Variants in SPTBN2 observed in about 807,000 individuals in gnomAD.
SPTBN2 encodes the protein spectrin beta, non-erythrocytic 2.
Under a neutral mutation model 284.2 loss-of-function variants are expected in SPTBN2, and 107 were observed. The observed-to-expected ratio is 0.38, with a 90% CI of 0.32 to 0.44. The LOEUF (loss-of-function observed/expected upper bound fraction) is 0.44, where lower values mean the gene tolerates loss of function less well. SPTBN2 is among the 20% of genes least tolerant of loss of function. The pLI is 1.00. For missense variants in SPTBN2, 2,569 were observed against 3,287.1 expected (o/e 0.78, Z 5.34); for synonymous variants, 1,289 against 1,354.8 (o/e 0.95, Z 1.07).
At position 66,712,212 on chromosome 11, in the gene SPTBN2, T is replaced by C. The variant is rs1041834806; in HGVS notation, c.773-1183A>G. Among the ~76,000 whole-genome samples, 8 of 152,168 alleles carry C rather than the reference T, an allele frequency of 5.3e-5. 1 individual carries two copies. Among genetic ancestry groups the C allele is most frequent in the Non-Finnish European group, 1.5e-5 (1 of 68,042 alleles). ...CAGTACTGATTTCAAAGGGGTGTTG[T>C]GAAGATTAAAACACATCAAGTGCAG... On this transcript the variant is annotated intron_variant, in intron 8 of 37. Coordinates refer to ENST00000533211, the MANE Select transcript of SPTBN2 (RefSeq NM_006946.4).
intron 22 of SPTBN2, 52 bp downstream of exon 22, chr11:66,694,087 G>A: frequency 1.3e-6 from 2 of 1,590,744 alleles, no homozygotes; most frequent in South Asian, 2.2e-5. Flanking sequence ...GAGGGAGGCT[G>A]GAGAACCACA....
At chr11:66,740,867 G>A (rs1369245119) in intron 1 of SPTBN2, among the ~76,000 whole-genome samples, 2 of 152,138 alleles carry the variant, frequency 1.3e-5, no homozygotes, top group Non-Finnish European at 2.9e-5. Flanking sequence ...AAAGCTCTAG[G>A]GGAGCCTAAG....
chr11:66,692,140 C>T (rs1274333281), intron 26 of SPTBN2, among the ~76,000 whole-genome samples: 4 of 152,116 alleles, frequency 2.6e-5, no homozygotes, highest in Non-Finnish European at 5.9e-5. Context: ...TGCACTAGCG[C>T]AATCACTGCA....
At position 66,701,671 on chromosome 11, in the gene SPTBN2, G is replaced by T; in HGVS notation, c.2729C>A (p.Ala910Glu). Residue 910 changes from alanine to glutamate, a missense_variant, in exon 16 of 38, where the codon GCG (alanine) becomes GAG (glutamate). This residue lies in a region of SPTBN2 where 1,012 missense variants were observed against 1,248.9 expected (regional missense o/e 0.81). Coordinates refer to ENST00000533211, the MANE Select transcript of SPTBN2 (RefSeq NM_006946.4). ...TAACTGCTCGGCAATGTCATTCACC[G>T]CGGTGATTTGTGCTGCAAGGGTGTT... The part of the protein sequence containing the change: ...EMNTLAAQIT[A>E]VNDIAEQLLK... 6.2e-7 allele frequency: 1 copy of T among 1,614,018 alleles called. No individual in the cohort carries two copies.
intron 8 of SPTBN2, chr11:66,712,753 A>C (rs1941936560): frequency 6.6e-6 from 1 of 152,218 alleles, no homozygotes; most frequent in Admixed American, 6.5e-5. Context: ...AAGCTGGAGT[A>C]CTGTGGCTAT....
rs774544567 is a variant in SPTBN2 at position 66,691,621 on chromosome 11, G to A, written c.5228C>T (p.Thr1743Ile). 3 of 1,613,854 alleles carry A rather than the reference G, an allele frequency of 1.9e-6. No individual in the cohort carries two copies. The highest frequency in any genetic ancestry group is 1.7e-5 in the Admixed American group (1 of 60,028). ...TACGCGCTCCTGACCGATGGTGCTT[G>A]TGTCCCGGGAGAACTCTCGGAATTT... ...RDKFREFSRDTSTIGQERVDS... is the reference protein window; with the variant it reads ...RDKFREFSRDISTIGQERVDS... Residue 1743 changes from threonine (T) to isoleucine (I), a missense_variant, in exon 27 of 38, where the codon ACA becomes ATA. By Grantham distance (89) the Thr-to-Ile change is moderately conservative. This residue lies in a region of SPTBN2 where 1,130 missense variants were observed against 1,317.3 expected (regional missense o/e 0.86). Coordinates refer to ENST00000533211, the MANE Select transcript of SPTBN2 (RefSeq NM_006946.4). The surrounding 1 kb of genome is among the most constrained non-coding windows in gnomAD (Gnocchi z 8.0).
intron 15 of SPTBN2, 54 bp downstream of exon 15, chr11:66,704,543 GC>G (rs989451000): frequency 2.8e-5 from 44 of 1,550,480 alleles, no homozygotes; most frequent in Middle Eastern, 1.9e-4. Context: ...CCACATCCTG[GC>G]CCCCCCACCC....
Position 66,737,181 on chromosome 11 carries a change from G to A in SPTBN2, c.-475+7361C>T, listed in dbSNP as rs186952410. On this transcript the variant is annotated intron_variant, in intron 1 of 37. Coordinates refer to the SPTBN2 transcript ENST00000611817. ...AACCTTGCCTTAGGTAAAGTATAAT[G>A]TATGAAAATCTAGATTTGCATAAAA... Among the ~76,000 whole-genome samples the A allele has an allele frequency of 6.4e-4, 97 of 152,274 alleles. 1 individual carries two copies. The highest frequency in any genetic ancestry group is 4.6e-3 in the East Asian group (24 of 5,192).
chr11:66,742,399 C>T (rs1053440258), intron 1 of SPTBN2, among the ~76,000 whole-genome samples: 1 of 152,096 alleles, frequency 6.6e-6, no homozygotes, highest in Non-Finnish European at 1.5e-5. Flanking sequence ...CAGCTGTGTC[C>T]CTGGCTACCT....
In SPTBN2 at chr11:66,684,642, A is replaced by T. The variant is rs1939995880; in HGVS notation, c.*1229T>A. ...AGAGTGAGACTCTGTCTCAAAAAAAAAAAAAAAAAAGAATATATATTATCC... is the reference window on the plus strand; with the variant it reads ...AGAGTGAGACTCTGTCTCAAAAAAATAAAAAAAAAAGAATATATATTATCC... On this transcript the variant is annotated 3_prime_UTR_variant, in exon 38 of 38. Transcript: ENST00000533211. 6.6e-6 allele frequency among the ~76,000 whole-genome samples: 1 copy of T among 151,956 alleles called. No homozygotes were observed. The highest frequency in any genetic ancestry group is 1.9e-4 in the East Asian group (1 of 5,196).
rs1939906760 is a variant in SPTBN2 at position 66,683,298 on chromosome 11, C to T, written c.*2573G>A. Among the ~76,000 whole-genome samples, 1 of 151,572 alleles carries T rather than the reference C, an allele frequency of 6.6e-6. No individual in the cohort carries two copies. Among genetic ancestry groups the T allele is most frequent in the Admixed American group, 6.6e-5 (1 of 15,218 alleles). On this transcript the variant is annotated 3_prime_UTR_variant, in exon 38 of 38. Transcript: ENST00000533211. ...AGCCGGGATGGTCTCGATCTCCTGA[C>T]CTCGTGATCCGCCCGCCTCGGCCTC...
At chr11:66,722,425 A>G (rs1034417484) in intron 1 of SPTBN2, among the ~76,000 whole-genome samples, 3 of 151,464 alleles carry the variant, frequency 2.0e-5, no homozygotes, top group Non-Finnish European at 4.4e-5. Flanking sequence ...AAATACAAAA[A>G]ATTAGCTGGG....
At chr11:66,706,341 T>G (rs1223087843) in intron 13 of SPTBN2, among the ~76,000 whole-genome samples, 2 of 152,216 alleles carry the variant, frequency 1.3e-5, no homozygotes, top group Non-Finnish European at 2.9e-5. Flanking sequence ...ATTTATTTAT[T>G]TATTTTGAGA....
chr11:66,716,238 C>T lies in SPTBN2; in HGVS notation c.158-257G>A, dbSNP rs186760928. Among the ~76,000 whole-genome samples, 436 of 152,346 alleles carry T rather than the reference C, an allele frequency of 2.9e-3. 4 individuals are homozygous for T. Among genetic ancestry groups the T allele is most frequent in the African/African-American group, 0.01 (429 of 41,586 alleles). ...GTGGCTCATGCCTGTAATCCCAGCA[C>T]TTTGGGAAGCCAAGGCGGGCGGATC... is the stretch of plus-strand genomic sequence containing the variant. On this transcript the variant is annotated intron_variant, in intron 3 of 37. Coordinates refer to ENST00000533211, the MANE Select transcript of SPTBN2 (RefSeq NM_006946.4).
upstream of SPTBN2, among the ~76,000 whole-genome samples, chr11:66,733,212 A>C (rs926126968): frequency 3.9e-5 from 6 of 152,190 alleles, no homozygotes; most frequent in Non-Finnish European, 5.9e-5. Context: ...TTTGTATTTT[A>C]AAAAGGTCAC....
intron 27 of SPTBN2, chr11:66,690,486 G>C (rs1940467689): frequency 1.5e-6 from 1 of 662,320 alleles, no homozygotes; most frequent in Admixed American, 3.0e-5. Flanking sequence ...AGACACCTGG[G>C]CTTAACTGGG....
intron 13 of SPTBN2, among the ~76,000 whole-genome samples, chr11:66,706,435 A>G (rs948280576): frequency 2.0e-5 from 3 of 152,146 alleles, no homozygotes; most frequent in African/African-American, 7.2e-5. Flanking sequence ...GGTCCAAGCA[A>G]TTCTCCTTCC....
chr11:66,691,647 G>A lies in SPTBN2; in HGVS notation c.5202C>T (p.Asp1734=). 6.2e-7 allele frequency: 1 copy of A among 1,613,734 alleles called. No homozygotes were observed. Among genetic ancestry groups the A allele is most frequent in the African/African-American group, 1.3e-5 (1 of 75,066 alleles). The part of the protein sequence containing the change: ...QDYEHVTMLR[D]KFREFSRDTS... ...TGTCCCGGGAGAACTCTCGGAATTT[G>A]TCTCGGAGCATCTGGTAGAGGAAGC... Residue 1734 remains aspartate, a synonymous_variant, in exon 27 of 38, where the codon GAC becomes GAT. Coordinates refer to ENST00000533211, the MANE Select transcript of SPTBN2 (RefSeq NM_006946.4). The surrounding 1 kb of genome is among the most constrained non-coding windows in gnomAD (Gnocchi z 8.0).
intron 1 of SPTBN2, among the ~76,000 whole-genome samples, chr11:66,722,411 TA>T (rs751362516): frequency 8.2e-4 from 123 of 150,276 alleles, no homozygotes; most frequent in Admixed American, 2.9e-3. Context: ...CCGTCTCTAC[TA>T]AAAAATACAA....
Sources: allele counts gnomAD v4.1 joint callset (sites outside exome capture counted in the v4.1 genomes callset), GRCh38; gene constraint gnomAD v4.1.1; regional missense constraint gnomAD v4.1.1; non-coding constraint Gnocchi (gnomAD v3.1); transcripts MANE v1.5; gene names NCBI Gene and HGNC (gene_info 2026-07-23, HGNC 2026-07-21).